The following SMC1B variants were observed in gnomAD, a reference collection of about 807,000 sequenced individuals.
SMC1B encodes the protein structural maintenance of chromosomes protein 1B.
Under a neutral mutation model 157.9 loss-of-function variants are expected in SMC1B, and 60 were observed. That is an observed-to-expected ratio of 0.38 (90% CI 0.31 to 0.47). The LOEUF (loss-of-function observed/expected upper bound fraction) is 0.47, where lower values mean the gene tolerates loss of function less well. Ranked by LOEUF, SMC1B falls within the 20% of genes least tolerant of loss-of-function variation. SMC1B has a pLI of 0.99. For synonymous variants in SMC1B, 445 were observed against 483.0 expected, an observed-to-expected ratio of 0.92 and a Z score of 1.03; for missense variants, 1,165 against 1,426.2, an observed-to-expected ratio of 0.82 and a Z score of 2.95.
intron 21 of SMC1B, 32 bp from the exon 22 acceptor site, chr22:45,352,634 A>C: frequency 6.4e-7 from 1 of 1,566,388 alleles, no homozygotes; most frequent in African/African-American, 1.4e-5. Flanking sequence ...TAGCAATATC[A>C]GAAAAGCAAC....
chr22:45,360,144 T>C lies in SMC1B; in HGVS notation c.2709-186A>G, dbSNP rs142507356. Among the ~76,000 whole-genome samples, 11 of 152,328 alleles carry C rather than the reference T, an allele frequency of 7.2e-5. No individual in the cohort carries two copies. The East Asian group carries it at 2.1e-3, about 29-fold the overall frequency. ...TAACACTCCTGAGAAAGGTCACGAA[T>C]ATACTCAGTTAATCTAAGGGAGCAT... is the stretch of plus-strand genomic sequence containing the variant. On this transcript the variant is annotated intron_variant, in intron 17 of 24. Coordinates refer to ENST00000357450, the MANE Select transcript of SMC1B (RefSeq NM_148674.5).
chr22:45,346,752 G>A (rs2086555947), intron 23 of SMC1B, among the ~76,000 whole-genome samples: 2 of 152,222 alleles, frequency 1.3e-5, no homozygotes, highest in African/African-American at 4.8e-5. Flanking sequence ...GATAGGATGC[G>A]AAGATGCAGG....
chr22:45,367,919 A>ATATT (rs1259684841), intron 15 of SMC1B, among the ~76,000 whole-genome samples: 6 of 152,118 alleles, frequency 3.9e-5, no homozygotes, highest in African/African-American at 1.4e-4. Flanking sequence ...TCAGCACTGT[A>ATATT]TATTTGTTTA....
chr22:45,400,044 T>C (rs2087174432), intron 5 of SMC1B, among the ~76,000 whole-genome samples: 1 of 152,194 alleles, frequency 6.6e-6, no homozygotes, highest in Non-Finnish European at 1.5e-5. Flanking sequence ...TATGAACTCA[T>C]GTTTAGCTTA....
At chr22:45,364,938 C>A (rs562185545) in intron 15 of SMC1B, among the ~76,000 whole-genome samples, 7 of 150,658 alleles carry the variant, frequency 4.6e-5, no homozygotes, top group African/African-American at 1.7e-4. Context: ...CCCGGGTTCA[C>A]GCCATTCTGC....
chr22:45,350,434 T>C (rs2086601813), intron 22 of SMC1B, among the ~76,000 whole-genome samples: 1 of 152,296 alleles, frequency 6.6e-6, no homozygotes, highest in East Asian at 1.9e-4. Context: ...TGCGCCACTA[T>C]GCCCAGCTAA....
At chr22:45,394,504 G>C (rs1360731109) in intron 8 of SMC1B, among the ~76,000 whole-genome samples, 181 bp downstream of exon 8, 1 of 152,088 alleles carries the variant, frequency 6.6e-6, no homozygotes, top group Non-Finnish European at 1.5e-5. Context: ...AGCTGGGTGT[G>C]GTGGCATGTG....
intron 15 of SMC1B, among the ~76,000 whole-genome samples, chr22:45,368,454 G>A (rs2086796401): frequency 6.6e-6 from 1 of 150,480 alleles, no homozygotes; most frequent in Non-Finnish European, 1.5e-5. Context: ...TTTGAATTTT[G>A]GAATCAGTAT....
chr22:45,377,452 C>T (rs967347152), intron 12 of SMC1B, among the ~76,000 whole-genome samples: 1 of 151,936 alleles, frequency 6.6e-6, no homozygotes, highest in Admixed American at 6.6e-5. Flanking sequence ...GCCTGGCCAG[C>T]ATGGTGAAAC....
At chr22:45,410,098 G>A (rs1237425419) in intron 1 of SMC1B, among the ~76,000 whole-genome samples, 1 of 152,212 alleles carries the variant, frequency 6.6e-6, no homozygotes, top group Non-Finnish European at 1.5e-5. Context: ...TAAGGACTTG[G>A]AATCTTGCAA....
intron 12 of SMC1B, among the ~76,000 whole-genome samples, chr22:45,378,174 G>A (rs1787395856): frequency 6.6e-6 from 1 of 151,944 alleles, no homozygotes. Context: ...CAAAGATAAT[G>A]GTAGGAAGTA....
chr22:45,411,704 A>AGTAGCTGGGACTCAGCTACT (rs1197174898), intron 1 of SMC1B, among the ~76,000 whole-genome samples: 2 of 152,006 alleles, frequency 1.3e-5, no homozygotes, highest in South Asian at 4.1e-4. Context: ...CTCCTGCCTC[A>AGTAGCTGGGACTCAGCTACT]GTCCCCTGAG....
At chr22:45,410,306 A>AT (rs960847924) in intron 1 of SMC1B, among the ~76,000 whole-genome samples, 3 of 152,320 alleles carry the variant, frequency 2.0e-5, no homozygotes, top group Admixed American at 6.5e-5. Flanking sequence ...TCATTGGCCC[A>AT]TAATTTTCTC....
intron 12 of SMC1B, among the ~76,000 whole-genome samples, chr22:45,374,088 C>T (rs1336867773): frequency 2.7e-5 from 3 of 110,648 alleles, no homozygotes; most frequent in South Asian, 2.9e-4. Flanking sequence ...AAAACAAAGA[C>T]GGTTTTTTTT....
rs1280242288 is a variant in SMC1B at position 45,399,757 on chromosome 22, C to T, written c.855-404G>A. On this transcript the variant is annotated intron_variant, in intron 5 of 24. Transcript: ENST00000357450. ...CCTTACTGAAGGGGTGGAAGGAAAACATGCTGACCTAATTCTAGAAATGAG... is the reference window on the plus strand; with the variant it reads ...CCTTACTGAAGGGGTGGAAGGAAAATATGCTGACCTAATTCTAGAAATGAG... Among the ~76,000 whole-genome samples, 3 of 152,302 alleles carry T rather than the reference C, an allele frequency of 2.0e-5. No homozygotes were observed. The South Asian group carries it at 6.2e-4, about 32-fold the overall frequency.
At chr22:45,401,706 G>A (rs2087196254) in intron 5 of SMC1B, among the ~76,000 whole-genome samples, 2 of 152,178 alleles carry the variant, frequency 1.3e-5, no homozygotes, top group South Asian at 2.1e-4. Context: ...ACTTCACTGT[G>A]GACCAGAAGA....
intron 12 of SMC1B, among the ~76,000 whole-genome samples, chr22:45,379,857 C>G (rs1196096069): frequency 6.6e-6 from 1 of 151,490 alleles, no homozygotes; most frequent in Non-Finnish European, 1.5e-5. Context: ...CCCAGCCTCC[C>G]AAGTAGCTGG....
chr22:45,383,631 T>A lies in SMC1B; in HGVS notation c.1912-18A>T, dbSNP rs987324763. On this transcript the variant is annotated intron_variant, in intron 11 of 24. Transcript: ENST00000357450. ...GCTACTGTCTGTAAAAGTAAAAATA[T>A]TTTGCCCTGGAGAAATGTACATAAA... The A allele has an allele frequency of 1.3e-6, 2 of 1,574,192 alleles. No individual in the cohort carries two copies. Among genetic ancestry groups the A allele is most frequent in the African/African-American group, 2.8e-5 (2 of 72,490 alleles).
intron 15 of SMC1B, among the ~76,000 whole-genome samples, chr22:45,366,655 T>C (rs1337935386): frequency 6.6e-6 from 1 of 152,140 alleles, no homozygotes; most frequent in Non-Finnish European, 1.5e-5. Flanking sequence ...CCCAGCACTT[T>C]GGGAGGCCGA....
Sources: gnomAD v4.1 joint callset for allele counts (sites outside exome capture counted in the v4.1 genomes callset) on GRCh38, gnomAD v4.1.1 for gene constraint, MANE v1.5 for transcripts, NCBI Gene and HGNC (gene_info 2026-07-23, HGNC 2026-07-21) for gene names.